The following SLC39A14 variants were observed in gnomAD, a reference collection of about 807,000 sequenced individuals.
SLC39A14 encodes the protein metal cation symporter ZIP14.
A neutral mutation model predicts 45.5 loss-of-function variants in SLC39A14; 19 were observed. The ratio of observed to expected loss-of-function variants is 0.42; its 90% confidence interval spans 0.29 to 0.61. The LOEUF (loss-of-function observed/expected upper bound fraction) is 0.61, where lower values mean the gene tolerates loss of function less well. Among genes scored for constraint, SLC39A14 ranks in the 20% least tolerant of loss-of-function variants. The probability of loss-of-function intolerance (pLI) is 0.22; values close to 1 mark genes in which losing one functional copy is unlikely to be tolerated. For missense variants in SLC39A14, 447 were observed against 616.5 expected (o/e 0.73, Z 2.91); for synonymous variants, 264 against 251.3 (o/e 1.05, Z -0.48).
At chr8:22,417,864 A>T in intron 8 of SLC39A14, 29 bp downstream of exon 8, 1 of 1,578,386 alleles carries the variant, frequency 6.3e-7, no homozygotes. Flanking sequence ...ACTGGATGAG[A>T]GGGCGGCTAA....
At position 22,404,830 on chromosome 8, in the gene SLC39A14, T is replaced by C; in HGVS notation, c.120T>C (p.Ala40=). The C allele has an allele frequency of 6.2e-7, 1 of 1,614,232 alleles. No homozygotes were observed. The highest frequency in any genetic ancestry group is 1.3e-5 in the African/African-American group (1 of 75,070). Residue 40 remains alanine, a synonymous_variant, in exon 2 of 9, where the codon GCT becomes GCC. Transcript: ENST00000381237. ...CCCTGGGTGCACCAGCTATCAGCGC[T>C]GCCTCCTTCCTGCAGGATCTAATAC... ...ASSLGAPAIS[A]ASFLQDLIHR...
Position 22,414,917 on chromosome 8 carries a change from T to C in SLC39A14, c.750+15T>C. On this transcript the variant is annotated intron_variant, in intron 5 of 8. Transcript: ENST00000381237. ...AGAAAAATGAGGTGAGGCCCAATTG[T>C]TGCTGAAGAAAGCTCTTCTAGGGAA... 1.2e-6 allele frequency: 2 copies of C among 1,609,464 alleles called. No individual in the cohort carries two copies. Among genetic ancestry groups the C allele is most frequent in the South Asian group, 2.2e-5 (2 of 89,530 alleles).
chr8:22,376,418 A>G (rs1200725175), intron 1 of SLC39A14, among the ~76,000 whole-genome samples: 1 of 150,602 alleles, frequency 6.6e-6, no homozygotes, highest in Non-Finnish European at 1.5e-5. Context: ...CCTGAGCTCA[A>G]GTGATCCACC....
Position 22,401,969 on chromosome 8 carries a change from A to T in SLC39A14, c.-15-2727A>T, listed in dbSNP as rs150233506. On this transcript the variant is annotated intron_variant, in intron 1 of 8. Coordinates refer to ENST00000381237, the MANE Select transcript of SLC39A14 (RefSeq NM_001128431.4). ...ACTGATATGATTTACTTGACCCATA[A>T]CACATCTTTCTGCATATAGCCTTTT... Among the ~76,000 whole-genome samples the T allele has an allele frequency of 6.1e-3, 927 of 152,252 alleles. 8 individuals carry two copies. Among genetic ancestry groups the T allele is most frequent in the African/African-American group, 0.021 (854 of 41,546 alleles).
intron 1 of SLC39A14, among the ~76,000 whole-genome samples, chr8:22,386,718 T>C (rs1170638744): frequency 6.6e-6 from 1 of 152,220 alleles, no homozygotes; most frequent in Non-Finnish European, 1.5e-5. Flanking sequence ...TGTATTTTAT[T>C]TCAACATTTC....
chr8:22,399,535 A>G (rs1303481818), intron 1 of SLC39A14, among the ~76,000 whole-genome samples: 1 of 152,220 alleles, frequency 6.6e-6, no homozygotes, highest in Non-Finnish European at 1.5e-5. Flanking sequence ...CCCCATGGAG[A>G]CAGGTCTAGA....
intron 1 of SLC39A14, among the ~76,000 whole-genome samples, chr8:22,394,553 T>TGG (rs1834270494): frequency 3.3e-5 from 5 of 151,922 alleles, no homozygotes; most frequent in African/African-American, 1.2e-4. Flanking sequence ...TCTCCTGACC[T>TGG]TGTGATCCGC....
intron 2 of SLC39A14, among the ~76,000 whole-genome samples, chr8:22,407,688 C>T (rs529790425): frequency 6.7e-6 from 1 of 148,246 alleles, no homozygotes; most frequent in African/African-American, 2.6e-5. Flanking sequence ...AGAAACTATA[C>T]CCTAGTGACA....
At chr8:22,409,746 T>C (rs1835457416) in intron 3 of SLC39A14, among the ~76,000 whole-genome samples, 1 of 152,216 alleles carries the variant, frequency 6.6e-6, no homozygotes, top group African/African-American at 2.4e-5. Context: ...AAGGTGTTTC[T>C]CTTGGATAGC....
chr8:22,378,551 G>A (rs953100685), intron 1 of SLC39A14, among the ~76,000 whole-genome samples: 2 of 152,110 alleles, frequency 1.3e-5, no homozygotes, highest in Non-Finnish European at 2.9e-5. Flanking sequence ...TCCTTTCCAT[G>A]TGGTCTCCTC....
At chr8:22,427,156 G>A (rs1413968086), downstream of SLC39A14, among the ~76,000 whole-genome samples, 2 of 151,936 alleles carry the variant, frequency 1.3e-5, no homozygotes. Context: ...GCCGGGTGTG[G>A]TGGCACACCC....
chr8:22,429,876 G>A (rs561908608), intron 8 of SLC39A14, among the ~76,000 whole-genome samples: 9 of 152,312 alleles, frequency 5.9e-5, no homozygotes, highest in Non-Finnish European at 8.8e-5. Flanking sequence ...GGGCAGACAG[G>A]GATAGAGGTG....
At chr8:22,432,406 C>G (rs201930842) in intron 8 of SLC39A14, among the ~76,000 whole-genome samples, 4 of 149,470 alleles carry the variant, frequency 2.7e-5, no homozygotes, top group Non-Finnish European at 1.5e-5. Context: ...CTCTGTCTCT[C>G]TTTCTCTCTG....
At chr8:22,406,103 C>T (rs1404329337) in intron 2 of SLC39A14, among the ~76,000 whole-genome samples, 1 of 152,146 alleles carries the variant, frequency 6.6e-6, no homozygotes, top group Non-Finnish European at 1.5e-5. Context: ...AAGGCTCGAG[C>T]GTGGGGTGTC....
At chr8:22,399,334 A>G (rs1465083662) in intron 1 of SLC39A14, among the ~76,000 whole-genome samples, 2 of 152,222 alleles carry the variant, frequency 1.3e-5, no homozygotes, top group African/African-American at 4.8e-5. Context: ...CCCCGCTAAG[A>G]ATAACTTGTA....
intron 8 of SLC39A14, among the ~76,000 whole-genome samples, chr8:22,433,263 G>A (rs758719335): frequency 7.3e-5 from 11 of 151,402 alleles, no homozygotes; most frequent in East Asian, 1.9e-4. Context: ...GTTTTGGTTC[G>A]TTTCCATATC....
At chr8:22,430,582 G>A (rs1483778244) in intron 8 of SLC39A14, among the ~76,000 whole-genome samples, 1 of 152,122 alleles carries the variant, frequency 6.6e-6, no homozygotes, top group Non-Finnish European at 1.5e-5. Flanking sequence ...AATGTGTTAT[G>A]TACTGGTTGC....
chr8:22,372,102 G>T (rs1832972186), intron 1 of SLC39A14, among the ~76,000 whole-genome samples: 1 of 152,040 alleles, frequency 6.6e-6, no homozygotes, highest in African/African-American at 2.4e-5. Context: ...TTGATTTAGG[G>T]CCAAGCCCTT....
intron 2 of SLC39A14, among the ~76,000 whole-genome samples, chr8:22,407,194 C>A (rs1009652929): frequency 6.6e-6 from 1 of 152,110 alleles, no homozygotes; most frequent in Non-Finnish European, 1.5e-5. Flanking sequence ...TGGGGCTGAT[C>A]GGGCAGCACC....
Sources: allele counts gnomAD v4.1 joint callset (sites outside exome capture counted in the v4.1 genomes callset), GRCh38; gene constraint gnomAD v4.1.1; transcripts MANE v1.5; gene names NCBI Gene and HGNC (gene_info 2026-07-23, HGNC 2026-07-21).